The following TENM4 variants were observed in gnomAD, a reference collection of about 807,000 sequenced individuals.
TENM4 encodes the protein teneurin transmembrane protein 4.
A neutral mutation model predicts 243.3 loss-of-function variants in TENM4; 82 were observed. That is an observed-to-expected ratio of 0.34 (90% CI 0.28 to 0.40). The LOEUF (loss-of-function observed/expected upper bound fraction) is 0.40. TENM4 is among the 10% of genes least tolerant of loss of function. The pLI is 1.00. For synonymous variants in TENM4, 1,412 were observed against 1,456.3 expected (o/e 0.97, Z 0.69); for missense variants, 3,138 against 3,673.3 (o/e 0.85, Z 3.77).
chr11:79,417,029 T>G (rs1245542545), intron 1 of TENM4, among the ~76,000 whole-genome samples: 1 of 152,226 alleles, frequency 6.6e-6, no homozygotes, highest in African/African-American at 2.4e-5. Flanking sequence ...ATCTCAATAC[T>G]GTATAACATT....
chr11:79,055,732 T>A (rs1220314775), intron 6 of TENM4, among the ~76,000 whole-genome samples: 1 of 152,320 alleles, frequency 6.6e-6, no homozygotes, highest in East Asian at 1.9e-4. Context: ...CTCCGTTTCT[T>A]CATCTCAGTG....
chr11:79,278,410 A>T (rs539294917), intron 2 of TENM4, among the ~76,000 whole-genome samples: 36 of 152,182 alleles, frequency 2.4e-4, no homozygotes, highest in African/African-American at 7.9e-4. Flanking sequence ...GCACCTGGAG[A>T]AATGCAGCCT....
At chr11:79,404,531 C>T (rs1443798286) in intron 1 of TENM4, among the ~76,000 whole-genome samples, 11 of 152,210 alleles carry the variant, frequency 7.2e-5, no homozygotes, top group East Asian at 1.9e-4. Context: ...TACATAGAGG[C>T]GATGGTTGCA....
At chr11:79,091,811 C>T (rs1413754872) in intron 4 of TENM4, among the ~76,000 whole-genome samples, 2 of 152,270 alleles carry the variant, frequency 1.3e-5, no homozygotes, top group Admixed American at 6.5e-5. Context: ...ATACTTAGTG[C>T]CACTCTGGCC....
intron 32 of TENM4, among the ~76,000 whole-genome samples, chr11:78,663,430 G>T (rs532601901): frequency 6.6e-6 from 1 of 152,262 alleles, no homozygotes; most frequent in South Asian, 2.1e-4. Context: ...GGGTCATGAT[G>T]GCAGATCCTT....
chr11:79,156,210 G>A (rs1459225105), intron 3 of TENM4, among the ~76,000 whole-genome samples: 2 of 152,142 alleles, frequency 1.3e-5, no homozygotes, highest in African/African-American at 4.8e-5. Flanking sequence ...CGGCCACTTG[G>A]CAGCCTGAGG....
At chr11:78,928,747 A>G (rs543391215) in intron 6 of TENM4, among the ~76,000 whole-genome samples, 1 of 152,368 alleles carries the variant, frequency 6.6e-6, no homozygotes, top group South Asian at 2.1e-4. Context: ...ATAAGGGACT[A>G]CCAAACAAGT....
At chr11:79,006,766 T>A (rs1208458429) in intron 6 of TENM4, among the ~76,000 whole-genome samples, 1 of 152,232 alleles carries the variant, frequency 6.6e-6, no homozygotes, top group African/African-American at 2.4e-5. Flanking sequence ...CATAGAACAT[T>A]GAATTTTCTT....
intron 6 of TENM4, among the ~76,000 whole-genome samples, chr11:79,037,027 AAAAAAAAAAAAAAAAAAAG>A (rs1859404107): frequency 1.1e-5 from 1 of 91,880 alleles, no homozygotes; most frequent in Admixed American, 1.1e-4. Flanking sequence ...AAAAAAAAAA[AAAAAAAAAAAAAAAAAAAG>A]AAAAAAAAGA....
chr11:79,120,218 A>C (rs1861713268), intron 4 of TENM4, among the ~76,000 whole-genome samples: 1 of 152,228 alleles, frequency 6.6e-6, no homozygotes, highest in Admixed American at 6.5e-5. Flanking sequence ...CAGATGAGGG[A>C]ATATGCAAAA....
chr11:79,357,849 A>G (rs1033131064), intron 1 of TENM4, among the ~76,000 whole-genome samples: 3 of 152,232 alleles, frequency 2.0e-5, no homozygotes, highest in Non-Finnish European at 4.4e-5. Flanking sequence ...AGCAACAACT[A>G]TCCAAGTGTG....
rs1856638215 is a variant in TENM4 at position 78,930,191 on chromosome 11, G to A, written c.494-26668C>T. Among the ~76,000 whole-genome samples the A allele has an allele frequency of 2.0e-5, 3 of 152,266 alleles. No individual in the cohort carries two copies. The South Asian group carries it at 6.2e-4, about 32-fold the overall frequency. On this transcript the variant is annotated intron_variant, in intron 6 of 33. Transcript: ENST00000278550. ...TCTCATTTTCCACATCAGTACAAGTGCCTACTTGCTCTGGGTACCTTACGT... is the reference window on the plus strand; with the variant it reads ...TCTCATTTTCCACATCAGTACAAGTACCTACTTGCTCTGGGTACCTTACGT...
At chr11:78,757,111 T>G in intron 18 of TENM4, 90 bp from the exon 19 acceptor site, 1 of 1,341,204 alleles carries the variant, frequency 7.5e-7, no homozygotes, top group South Asian at 1.5e-5. Flanking sequence ...TTCTCTATTT[T>G]TCACTCATTC....
chr11:79,206,976 G>A (rs934848137), intron 3 of TENM4, among the ~76,000 whole-genome samples: 4 of 152,122 alleles, frequency 2.6e-5, no homozygotes, highest in East Asian at 1.9e-4. Context: ...GGGGGCCTTC[G>A]TGGTGCTCAG....
At chr11:78,704,953 C>T (rs561057012) in intron 27 of TENM4, among the ~76,000 whole-genome samples, 1 of 152,228 alleles carries the variant, frequency 6.6e-6, no homozygotes, top group African/African-American at 2.4e-5. Flanking sequence ...CTTCTTGTCC[C>T]CTTACTCCCA....
chr11:79,403,170 T>G (rs1364856451), intron 1 of TENM4, among the ~76,000 whole-genome samples: 1 of 152,192 alleles, frequency 6.6e-6, no homozygotes, highest in African/African-American at 2.4e-5. Flanking sequence ...TTCTCCATAT[T>G]TTCCAGCTCA....
chr11:78,683,552 C>A (rs557823728), intron 29 of TENM4, among the ~76,000 whole-genome samples: 2 of 122,204 alleles, frequency 1.6e-5, no homozygotes, highest in East Asian at 2.1e-4. Flanking sequence ...CAGGTGCGTC[C>A]GTCACCCCTT....
intron 6 of TENM4, among the ~76,000 whole-genome samples, chr11:79,042,582 C>A (rs564228439): frequency 1.5e-4 from 23 of 152,334 alleles, no homozygotes; most frequent in Middle Eastern, 3.4e-3. Context: ...TGATCTTGGA[C>A]TTCCCAGCCT....
intron 1 of TENM4, among the ~76,000 whole-genome samples, chr11:79,371,172 AGAG>A (rs1320243391): frequency 1.3e-5 from 2 of 152,244 alleles, no homozygotes; most frequent in Non-Finnish European, 2.9e-5. Context: ...ATGCAGGGAT[AGAG>A]GATACAGGTG....
Sources: gnomAD v4.1 joint callset for allele counts (sites outside exome capture counted in the v4.1 genomes callset) on GRCh38, gnomAD v4.1.1 for gene constraint, MANE v1.5 for transcripts, NCBI Gene and HGNC (gene_info 2026-07-23, HGNC 2026-07-21) for gene names.